The following GBF1 variants were observed in gnomAD, a reference collection of about 807,000 sequenced individuals.
GBF1 encodes the protein golgi brefeldin A resistant guanine nucleotide exchange factor 1.
A neutral mutation model predicts 210.5 loss-of-function variants in GBF1; 114 were observed. The observed-to-expected ratio is 0.54, with a 90% CI of 0.47 to 0.63. GBF1 has a LOEUF of 0.63. Ranked by LOEUF, GBF1 falls within the 30% of genes least tolerant of loss-of-function variation. The probability of loss-of-function intolerance (pLI) is 0.00; values close to 1 mark genes in which losing one functional copy is unlikely to be tolerated. For missense variants in GBF1, 1,851 were observed against 2,357.7 expected (o/e 0.79, Z 4.45); for synonymous variants, 850 against 889.2 (o/e 0.96, Z 0.78).
intron 3 of GBF1, among the ~76,000 whole-genome samples, chr10:102,298,323 C>G (rs142823196): frequency 2.1e-3 from 321 of 152,302 alleles, no homozygotes; most frequent in Middle Eastern, 0.01. Flanking sequence ...GACTAGATGA[C>G]AAGTCGAGTC....
rs1039461233 is a variant in GBF1 at position 102,245,795 on chromosome 10, C to T, written c.-11+14C>T. 6 of 152,238 alleles carry T rather than the reference C, an allele frequency of 3.9e-5. No individual in the cohort carries two copies. The highest frequency in any genetic ancestry group is 1.4e-4 in the African/African-American group (6 of 41,448). The allele number at this position is 152,238 out of a possible 1,614,324, so 9.4% of individuals were successfully genotyped here. On this transcript the variant is annotated intron_variant, in intron 1 of 39. Coordinates refer to ENST00000369983, the MANE Select transcript of GBF1 (RefSeq NM_001377137.1). ...ATCCGCTGACAGGTCAGCGAAGTCTCTTCCTAGAGTTCCGGTGTCGTGAAG... is the reference window on the plus strand; with the variant it reads ...ATCCGCTGACAGGTCAGCGAAGTCTTTTCCTAGAGTTCCGGTGTCGTGAAG...
rs2060915849 is a variant in GBF1, at chr10:102,382,482, T to C, written c.*146T>C. The C allele has an allele frequency of 7.5e-6, 5 of 670,636 alleles. No homozygotes were observed. In the South Asian group the frequency reaches 1.0e-4, roughly 13 times the overall value. The allele number at this position is 670,636 out of a possible 1,614,324, so 41.5% of individuals were successfully genotyped here. On this transcript the variant is annotated 3_prime_UTR_variant, in exon 40 of 40. Transcript: ENST00000369983. ...GGATGGGGACCTGAAAAAGAGAATG[T>C]TGATAGCCCCAGCTAAGACCCCCAA...
Position 102,379,410 on chromosome 10 carries a change from C to T in GBF1, c.4621C>T (p.His1541Tyr). 1 of 1,614,126 alleles carries T rather than the reference C, an allele frequency of 6.2e-7. No individual in the cohort carries two copies. The highest frequency in any genetic ancestry group is 8.5e-7 in the Non-Finnish European group (1 of 1,180,022). Residue 1541 changes from histidine (H) to tyrosine (Y), a missense_variant, in exon 34 of 40, where the codon CAC becomes TAC. By Grantham distance (83) the His-to-Tyr change is moderately conservative. Around this residue, in one of 3 missense-constraint regions of GBF1, gnomAD observed 967 missense variants for 1,247.7 expected, o/e 0.78. Coordinates refer to ENST00000369983, the MANE Select transcript of GBF1 (RefSeq NM_001377137.1). ...AGCTGATTCTCGCACCCTCTGGGCC[C>T]ACTGCTGGTGCCCTTTACTGCAGGG... Reference protein sequence around the residue: ...IEADSRTLWAHCWCPLLQGIA... With the variant: ...IEADSRTLWAYCWCPLLQGIA...
chr10:102,368,614 G>A (rs1278207531), intron 22 of GBF1, 125 bp from the exon 23 acceptor site: 1 of 837,968 alleles, frequency 1.2e-6, no homozygotes, highest in African/African-American at 1.7e-5. Flanking sequence ...GTCTTAAACA[G>A]AAACAAAATT....
intron 3 of GBF1, among the ~76,000 whole-genome samples, chr10:102,312,417 A>G (rs2078542772): frequency 6.6e-6 from 1 of 152,158 alleles, no homozygotes; most frequent in African/African-American, 2.4e-5. Context: ...CGGCAGCTCT[A>G]TGTGTAGGTT....
At chr10:102,231,816 A>T in the GBF1 span, 2 of 1,592,822 alleles carry the variant, frequency 1.3e-6, no homozygotes, top group Non-Finnish European at 1.7e-6. Context: ...GGGGCAGGTC[A>T]CAGAGCGCCC....
chr10:102,295,184 A>G (rs1215067630), intron 3 of GBF1, among the ~76,000 whole-genome samples: 1 of 152,232 alleles, frequency 6.6e-6, no homozygotes, highest in Non-Finnish European at 1.5e-5. Flanking sequence ...ACAAGAGTCA[A>G]GTTATCTTAG....
At chr10:102,230,934 C>A in the GBF1 span, 4 of 1,609,430 alleles carry the variant, frequency 2.5e-6, no homozygotes, top group East Asian at 2.2e-5. Context: ...CGGCGAGCGG[C>A]GGGGCAAGAG....
intron 3 of GBF1, among the ~76,000 whole-genome samples, chr10:102,275,582 G>C (rs1200806607): frequency 6.6e-6 from 1 of 151,488 alleles, no homozygotes; most frequent in Non-Finnish European, 1.5e-5. Context: ...TACAAATGTA[G>C]TCCACAGAAA....
At chr10:102,381,008 C>A (rs1227637673) in intron 38 of GBF1, 119 bp from the exon 39 acceptor site, 3 of 980,530 alleles carry the variant, frequency 3.1e-6, no homozygotes, top group Non-Finnish European at 4.6e-6. Flanking sequence ...AAAAAAAAGT[C>A]CCCAAAGCTG....
intron 3 of GBF1, among the ~76,000 whole-genome samples, chr10:102,294,261 T>C (rs1298762572): frequency 1.3e-5 from 2 of 152,186 alleles, no homozygotes; most frequent in Non-Finnish European, 2.9e-5. Flanking sequence ...CATACAGCAA[T>C]GTCCTAGGCC....
chr10:102,321,852 C>G (rs540848153), intron 3 of GBF1, among the ~76,000 whole-genome samples: 1 of 151,972 alleles, frequency 6.6e-6, no homozygotes, highest in Non-Finnish European at 1.5e-5. Flanking sequence ...GTGAGTGAGC[C>G]ACTGCACCCA....
At chr10:102,357,685 C>A (rs116939649) in intron 8 of GBF1, among the ~76,000 whole-genome samples, 1 of 152,068 alleles carries the variant, frequency 6.6e-6, no homozygotes, top group African/African-American at 2.4e-5. Context: ...CCTGCCCTTA[C>A]ACTTTCTGCA....
At chr10:102,279,174 T>G (rs1431922782) in intron 3 of GBF1, among the ~76,000 whole-genome samples, 1 of 152,220 alleles carries the variant, frequency 6.6e-6, no homozygotes, top group Non-Finnish European at 1.5e-5. Flanking sequence ...GATCTATATT[T>G]TTTTATGTCT....
intron 3 of GBF1, among the ~76,000 whole-genome samples, chr10:102,303,480 G>C (rs921635730): frequency 6.6e-6 from 1 of 152,298 alleles, no homozygotes; most frequent in South Asian, 2.1e-4. Context: ...CCTAGAAAAA[G>C]CCTTACACAG....
intron 2 of GBF1, 131 bp downstream of exon 2, chr10:102,259,165 G>GT (rs1353632263): frequency 6.5e-6 from 4 of 612,384 alleles, no homozygotes; most frequent in African/African-American, 1.9e-5. Flanking sequence ...TTGATATCTT[G>GT]TTTTTTTGTA....
chr10:102,235,961 C>A, the GBF1 span, among the ~76,000 whole-genome samples: 2 of 152,306 alleles, frequency 1.3e-5, 1 homozygote, highest in East Asian at 3.9e-4. Flanking sequence ...AGAATGAAGC[C>A]TTTAGGCTCT....
At chr10:102,299,560 A>G (rs1245392400) in intron 3 of GBF1, among the ~76,000 whole-genome samples, 2 of 152,168 alleles carry the variant, frequency 1.3e-5, no homozygotes, top group Admixed American at 6.5e-5. Context: ...AGGCGGGTGG[A>G]TTACCTGAGT....
chr10:102,369,452 G>C, intron 24 of GBF1, 65 bp downstream of exon 24: 1 of 1,257,046 alleles, frequency 8.0e-7, no homozygotes, highest in Non-Finnish European at 1.1e-6. Flanking sequence ...TATGCTACCT[G>C]TACATAGAAG....
Sources: gnomAD v4.1 joint callset for allele counts (sites outside exome capture counted in the v4.1 genomes callset) on GRCh38, gnomAD v4.1.1 for gene constraint, gnomAD v4.1.1 regional missense constraint, MANE v1.5 for transcripts, NCBI Gene and HGNC (gene_info 2026-07-23, HGNC 2026-07-21) for gene names.